GP2: variants seen among roughly 807,000 people sequenced by gnomAD.
GP2 encodes the protein pancreatic secretory granule membrane major glycoprotein GP2.
GP2 carries 58 observed loss-of-function variants against 60.8 expected under a neutral mutation model. That is an observed-to-expected ratio of 0.95 (90% CI 0.77 to 1.19). GP2 has a LOEUF of 1.19. Among genes scored for constraint, GP2 ranks in the 50% most tolerant of loss-of-function variants. The probability of loss-of-function intolerance (pLI) is 0.00; values close to 1 mark genes in which losing one functional copy is unlikely to be tolerated. For synonymous variants in GP2, 280 were observed against 253.4 expected, an observed-to-expected ratio of 1.10 and a Z score of -1.00; for missense variants, 647 against 667.4, an observed-to-expected ratio of 0.97 and a Z score of 0.34.
In GP2 at chr16:20,316,083, C is replaced by G. The variant is rs139664721; in HGVS notation, c.1417-43G>C. The G allele has an allele frequency of 3.1e-4, 404 of 1,284,198 alleles. 8 individuals carry two copies. In the East Asian group the frequency reaches 9.0e-3, roughly 28 times the overall value. The allele number at this position is 1,284,198 out of a possible 1,614,324, so 79.6% of individuals were successfully genotyped here. On this transcript the variant is annotated intron_variant, in intron 8 of 10. Coordinates refer to ENST00000302555, the MANE Select transcript of GP2 (RefSeq NM_001502.4). ...TTTTATTATATCAAAATTTAAATGC[C>G]TGGATTCTATCTAGACTGCTCCTAC...
rs753458433 is a variant in GP2, at chr16:20,320,360, G to T, written c.760C>A (p.Arg254=). The change falls in exon 5 of 11, where the codon CGA becomes AGA. Residue 254 remains arginine (R), a synonymous_variant. Transcript: ENST00000302555. The part of the protein sequence containing the change: ...GLGEEVIAYL[R]DPNCSSILQT... ...AAGATGCTGCTGCAGTTTGGGTCTCGCAGGTAGGCAATGACCTCCTCCCCC... is the reference window on the plus strand; with the variant it reads ...AAGATGCTGCTGCAGTTTGGGTCTCTCAGGTAGGCAATGACCTCCTCCCCC... 10 of 1,613,624 alleles carry T rather than the reference G, an allele frequency of 6.2e-6. No individual in the cohort carries two copies. The African/African-American group carries it at 8.0e-5, about 13-fold the overall frequency.
chr16:20,317,402 T>C (rs187476831), intron 7 of GP2, 27 bp from the exon 8 acceptor site: 1 of 1,595,396 alleles, frequency 6.3e-7, no homozygotes, highest in Non-Finnish European at 8.6e-7. Context: ...GGCAAAGGTG[T>C]AACTTCTAAA....
intron 6 of GP2, 97 bp downstream of exon 6, chr16:20,319,523 T>C: frequency 1.2e-6 from 1 of 800,168 alleles, no homozygotes; most frequent in South Asian, 1.7e-5. Flanking sequence ...TGGAGGAGGC[T>C]GGCAGTATGG....
chr16:20,311,208 T>G lies in GP2; in HGVS notation c.*15A>C, dbSNP rs1429325950. Reference sequence around the variant, plus strand: ...GAAGAACACAAACTTCAAGGCCAGATGCTCAGCGGAGCTCTCAGAACAGCC... The same window carrying G: ...GAAGAACACAAACTTCAAGGCCAGAGGCTCAGCGGAGCTCTCAGAACAGCC... On this transcript the variant is annotated 3_prime_UTR_variant, in exon 11 of 11. Coordinates refer to ENST00000302555, the MANE Select transcript of GP2 (RefSeq NM_001502.4). 6.3e-7 allele frequency: 1 copy of G among 1,581,146 alleles called. No individual in the cohort carries two copies.
rs148738808 is a variant in GP2, at chr16:20,323,021, C to G, written c.536-42G>C. The G allele has an allele frequency of 3.4e-6, 4 of 1,180,320 alleles. No homozygotes were observed. The African/African-American group carries it at 4.5e-5, about 13-fold the overall frequency. 73.1% of individuals were successfully genotyped at this position (1,180,320 alleles called of 1,614,324 possible). Reference sequence around the variant, plus strand: ...GGAGAGAGAAGATCAGGATGCAGTGCGGGCTGGACTTGAGGCCCCCAAGTC... The same window carrying G: ...GGAGAGAGAAGATCAGGATGCAGTGGGGGCTGGACTTGAGGCCCCCAAGTC... On this transcript the variant is annotated intron_variant, in intron 3 of 10. Coordinates refer to ENST00000302555, the MANE Select transcript of GP2 (RefSeq NM_001502.4).
chr16:20,314,619 T>C (rs1964100178), intron 10 of GP2, 38 bp downstream of exon 10: 1 of 1,417,536 alleles, frequency 7.1e-7, no homozygotes, highest in East Asian at 2.3e-5. Context: ...AAAGGAGAGT[T>C]GGGAAAGCTG....
chr16:20,315,764 C>G (rs1482068173), intron 9 of GP2, among the ~76,000 whole-genome samples, 192 bp downstream of exon 9: 2 of 152,164 alleles, frequency 1.3e-5, no homozygotes, highest in African/African-American at 4.8e-5. Context: ...AGCCTGGTCT[C>G]TAAGCACACA....
rs559045212 is a variant in GP2, at chr16:20,327,377, T to G, written c.-37+90A>C. Reference sequence around the variant, plus strand: ...CAAACTACTTGCTGGGTTCTAAAAATTTCCAGAAACAAAGAATCCTAGCAT... The same window carrying G: ...CAAACTACTTGCTGGGTTCTAAAAAGTTCCAGAAACAAAGAATCCTAGCAT... On this transcript the variant is annotated intron_variant, in intron 1 of 10. Transcript: ENST00000302555. 128 of 985,722 alleles carry G rather than the reference T, an allele frequency of 1.3e-4. No homozygotes were observed. The African/African-American group carries it at 2.0e-3, about 16-fold the overall frequency. The allele number at this position is 985,722 out of a possible 1,614,324, so 61.1% of individuals were successfully genotyped here. A position where few individuals can be genotyped will look rare whatever the true frequency, so the allele number is the denominator to read the frequency against.
chr16:20,321,005 G>A (rs921258523), intron 4 of GP2, among the ~76,000 whole-genome samples: 4 of 150,802 alleles, frequency 2.7e-5, no homozygotes, highest in African/African-American at 7.3e-5. Context: ...TTAATGCATT[G>A]ATTCAATATA....
At position 20,319,642 on chromosome 16, in the gene GP2, C is replaced by T. The variant is rs1287699230; in HGVS notation, c.985G>A (p.Ala329Thr). Residue 329 changes from alanine (A) to threonine (T), a missense_variant, in exon 6 of 11, where the codon GCT (alanine) becomes ACT (threonine). By Grantham distance (58) the Ala-to-Thr change is moderately conservative. Coordinates refer to ENST00000302555, the MANE Select transcript of GP2 (RefSeq NM_001502.4). ...YPLDMKVSLQ[A>T]ALQPIVSSLN... The stretch of plus-strand genomic sequence containing the variant: ...TACCTTACAATGGGCTGCAAGGCAG[C>T]TTGGAGGCTGACTTTCATGTCCAGT... The T allele has an allele frequency of 6.2e-7, 1 of 1,613,048 alleles. No homozygotes were observed.
chr16:20,315,557 G>C (rs1224982582), intron 9 of GP2, among the ~76,000 whole-genome samples: 1 of 152,170 alleles, frequency 6.6e-6, no homozygotes, highest in Non-Finnish European at 1.5e-5. Context: ...CTGAATTATG[G>C]GGACCTGGAA....
At chr16:20,326,582 G>A in intron 1 of GP2, 115 bp from the exon 2 acceptor site, 1 of 827,342 alleles carries the variant, frequency 1.2e-6, no homozygotes, top group Non-Finnish European at 1.9e-6. Context: ...TGTGACTTAT[G>A]GACAGATAGA....
In GP2 at chr16:20,310,582, C is replaced by T. The variant is rs2141587543; in HGVS notation, c.*641G>A. 1 of 152,400 alleles carries T rather than the reference C, an allele frequency of 6.6e-6. No individual in the cohort carries two copies. Among genetic ancestry groups the T allele is most frequent in the East Asian group, 1.9e-4 (1 of 5,164 alleles). 9.4% of individuals were successfully genotyped at this position (152,400 alleles called of 1,614,324 possible). A position where few individuals can be genotyped will look rare whatever the true frequency, so the allele number is the denominator to read the frequency against. ...GCTGGTGCCTCTTCTCCATGCTCAT[C>T]CCATACCCCAGTGACAGGATACCGC... On this transcript the variant is annotated 3_prime_UTR_variant, in exon 11 of 11. Coordinates refer to ENST00000302555, the MANE Select transcript of GP2 (RefSeq NM_001502.4).
intron 4 of GP2, among the ~76,000 whole-genome samples, chr16:20,322,436 A>G (rs1269852352): frequency 1.3e-5 from 2 of 152,158 alleles, no homozygotes; most frequent in Non-Finnish European, 1.5e-5. Context: ...ATAGCCCTGT[A>G]TGGTGGGTAT....
intron 10 of GP2, among the ~76,000 whole-genome samples, chr16:20,313,373 T>C (rs755346780): frequency 6.6e-6 from 1 of 152,176 alleles, no homozygotes; most frequent in Non-Finnish European, 1.5e-5. Flanking sequence ...TACTACCTGG[T>C]GAAATTCTTT....
intron 9 of GP2, 139 bp downstream of exon 9, chr16:20,315,817 T>G (rs1217881067): frequency 6.1e-6 from 4 of 660,962 alleles, no homozygotes; most frequent in Non-Finnish European, 1.1e-5. Context: ...CCAAAGCATC[T>G]CAAAGAATAG....
At position 20,314,239 on chromosome 16, in the gene GP2, A is replaced by G. The variant is rs184631262; in HGVS notation, c.1546+418T>C. Among the ~76,000 whole-genome samples, 642 of 148,028 alleles carry G rather than the reference A, an allele frequency of 4.3e-3. 5 individuals are homozygous for G. The highest frequency in any genetic ancestry group is 0.015 in the African/African-American group (596 of 41,004). On this transcript the variant is annotated intron_variant, in intron 10 of 10. Transcript: ENST00000302555. Reference sequence around the variant, plus strand: ...CATGTATCCCAGAACTTAAAGTAAAATGAATTAAAAAAAAAAAAAAGTTCT... The same window carrying G: ...CATGTATCCCAGAACTTAAAGTAAAGTGAATTAAAAAAAAAAAAAAGTTCT...
At chr16:20,326,616 G>C (rs1184170211) in intron 1 of GP2, 149 bp from the exon 2 acceptor site, 1 of 655,408 alleles carries the variant, frequency 1.5e-6, no homozygotes, top group East Asian at 2.9e-5. Context: ...TGATAAAATT[G>C]ACAGTAAGCA....
In GP2 at chr16:20,317,312, C is replaced by T; in HGVS notation, c.1317G>A (p.Arg439=). The part of the protein sequence containing the change: ...VEENGQSSES[R]FSVQMFMFAG... Reference sequence around the variant, plus strand: ...CAAACATGAACATCTGAACTGAGAACCGGCTTTCCGAGGACTGCCCATTCT... The same window carrying T: ...CAAACATGAACATCTGAACTGAGAATCGGCTTTCCGAGGACTGCCCATTCT... The change falls in exon 8 of 11, where the codon CGG becomes CGA. Residue 439 remains arginine, a synonymous_variant. Coordinates refer to ENST00000302555, the MANE Select transcript of GP2 (RefSeq NM_001502.4). The T allele has an allele frequency of 4.3e-6, 7 of 1,613,330 alleles. No individual in the cohort carries two copies. The highest frequency in any genetic ancestry group is 5.9e-6 in the Non-Finnish European group (7 of 1,179,330).
Sources: allele counts gnomAD v4.1 joint callset (sites outside exome capture counted in the v4.1 genomes callset), GRCh38; gene constraint gnomAD v4.1.1; transcripts MANE v1.5; gene names NCBI Gene and HGNC (gene_info 2026-07-23, HGNC 2026-07-21).